ADAMTS2: variants seen among roughly 807,000 people sequenced by gnomAD.
ADAMTS2 encodes the protein ADAM metallopeptidase with thrombospondin type 1 motif 2.
ADAMTS2 carries 50 observed loss-of-function variants against 123.0 expected under a neutral mutation model. The observed-to-expected ratio is 0.41, with a 90% CI of 0.32 to 0.51. The LOEUF (loss-of-function observed/expected upper bound fraction) is 0.51. Ranked by LOEUF, ADAMTS2 falls within the 20% of genes least tolerant of loss-of-function variation. ADAMTS2 has a pLI of 0.35. For missense variants in ADAMTS2, 1,494 were observed against 1,705.2 expected (o/e 0.88, Z 2.18); for synonymous variants, 678 against 695.4 (o/e 0.98, Z 0.39).
At chr5:179,238,447 C>T (rs562607772) in intron 3 of ADAMTS2, among the ~76,000 whole-genome samples, 5 of 152,178 alleles carry the variant, frequency 3.3e-5, no homozygotes, top group South Asian at 2.1e-4. Flanking sequence ...GTGAGTGCTG[C>T]GGGAAGGGGC....
intron 2 of ADAMTS2, among the ~76,000 whole-genome samples, chr5:179,299,183 A>G (rs1756427981): frequency 6.6e-6 from 1 of 151,902 alleles, no homozygotes; most frequent in East Asian, 1.9e-4. Flanking sequence ...ACAAGATGGA[A>G]AAACGGTTAG....
intron 12 of ADAMTS2, 56 bp downstream of exon 12, chr5:179,137,713 G>GCCCC: frequency 8.4e-7 from 1 of 1,188,738 alleles, no homozygotes; most frequent in Non-Finnish European, 1.2e-6. Context: ...CCCCCACCCT[G>GCCCC]CCCACCCTAG....
chr5:179,244,126 C>A (rs947020758), intron 3 of ADAMTS2, among the ~76,000 whole-genome samples: 1 of 136,260 alleles, frequency 7.3e-6, no homozygotes, highest in Non-Finnish European at 1.6e-5. Context: ...TGGCAAAAAG[C>A]TCCCTAAATT....
chr5:179,135,377 C>T (rs1487879130), intron 13 of ADAMTS2, among the ~76,000 whole-genome samples: 1 of 152,218 alleles, frequency 6.6e-6, no homozygotes, highest in Non-Finnish European at 1.5e-5. Flanking sequence ...GTTCATGTCA[C>T]CGTCACATGG....
At chr5:179,271,913 T>TGGCCC (rs1328582276) in intron 3 of ADAMTS2, among the ~76,000 whole-genome samples, 3 of 152,014 alleles carry the variant, frequency 2.0e-5, no homozygotes, top group African/African-American at 7.2e-5. Flanking sequence ...GCACGGGGGC[T>TGGCCC]GGCCCAGCCC....
intron 2 of ADAMTS2, among the ~76,000 whole-genome samples, chr5:179,299,846 G>A (rs1756461538): frequency 6.6e-6 from 1 of 151,938 alleles, no homozygotes; most frequent in African/African-American, 2.4e-5. Context: ...TGTAATCCCA[G>A]CACTTTGGGA....
Position 179,152,138 on chromosome 5 carries a change from T to C in ADAMTS2, c.1629+4A>G. On this transcript the variant is annotated splice_donor_region_variant and intron_variant, in intron 10 of 21. Transcript: ENST00000251582. ...CCCTCCAAGAGCCCTTGATGCTGCC[T>C]CACCTTGCCAGGTGCACACATAGTC... 6.2e-7 allele frequency: 1 copy of C among 1,612,100 alleles called. No individual in the cohort carries two copies. The highest frequency in any genetic ancestry group is 8.5e-7 in the Non-Finnish European group (1 of 1,178,276).
chr5:179,278,372 C>T (rs929963655), intron 2 of ADAMTS2, among the ~76,000 whole-genome samples: 3 of 152,058 alleles, frequency 2.0e-5, no homozygotes, highest in African/African-American at 7.2e-5. Context: ...GAGCAAAGCA[C>T]AAAATGTGAG....
intron 3 of ADAMTS2, among the ~76,000 whole-genome samples, chr5:179,226,093 A>G (rs529491902): frequency 6.6e-6 from 1 of 151,996 alleles, no homozygotes; most frequent in East Asian, 1.9e-4. Flanking sequence ...AGGAAGCCAC[A>G]CCCCCATAGC....
chr5:179,245,317 C>T (rs1013763733), intron 3 of ADAMTS2, among the ~76,000 whole-genome samples: 6 of 152,132 alleles, frequency 3.9e-5, no homozygotes, highest in African/African-American at 1.4e-4. Flanking sequence ...CAAAACCCTG[C>T]CAAAACCCTG....
At chr5:179,121,584 G>C (rs953122610) in intron 21 of ADAMTS2, 77 bp downstream of exon 21, 281 of 1,223,716 alleles carry the variant, frequency 2.3e-4, no homozygotes, top group Middle Eastern at 9.8e-4. Flanking sequence ...CAGAGAGGAG[G>C]GGGGCCCAAG....
At chr5:179,245,542 G>A (rs6889935) in intron 3 of ADAMTS2, among the ~76,000 whole-genome samples, 23,872 of 149,336 alleles carry the variant, frequency 0.16, 2,450 homozygotes, top group East Asian at 0.36. Flanking sequence ...CGAGGCAGGC[G>A]GATCACGAGG....
At position 179,143,388 on chromosome 5, in the gene ADAMTS2, G is replaced by A. The variant is rs960322429; in HGVS notation, c.1630-3353C>T. Among the ~76,000 whole-genome samples the A allele has an allele frequency of 3.3e-5, 5 of 150,410 alleles. No individual in the cohort carries two copies. In the South Asian group the frequency reaches 8.4e-4, roughly 25 times the overall value. Reference sequence around the variant, plus strand: ...GTGGAGGTTGCAGTGAGCTGAGATCGCGCCACTGCGCTCCAGGCTGGGTAA... The same window carrying A: ...GTGGAGGTTGCAGTGAGCTGAGATCACGCCACTGCGCTCCAGGCTGGGTAA... On this transcript the variant is annotated intron_variant, in intron 10 of 21. Transcript: ENST00000251582.
At chr5:179,195,896 C>T (rs1764418551) in intron 4 of ADAMTS2, among the ~76,000 whole-genome samples, 1 of 152,206 alleles carries the variant, frequency 6.6e-6, no homozygotes, top group South Asian at 2.1e-4. Flanking sequence ...TTAAGGGACC[C>T]GTGTTTCGTG....
Position 179,185,852 on chromosome 5 carries a change from C to A in ADAMTS2, c.892-4697G>T, listed in dbSNP as rs946268812. The stretch of plus-strand genomic sequence containing the variant: ...AAGCCTCAGATGGTTCGGAGATTAA[C>A]TGGGGCTCCCTGGCTGCTGAGGAGC... On this transcript the variant is annotated intron_variant, in intron 4 of 21. Coordinates refer to ENST00000251582, the MANE Select transcript of ADAMTS2 (RefSeq NM_014244.5). The surrounding 1 kb of genome is among the most constrained non-coding windows in gnomAD (Gnocchi z 5.9). 2.6e-5 allele frequency among the ~76,000 whole-genome samples: 4 copies of A among 152,026 alleles called. No homozygotes were observed. The highest frequency in any genetic ancestry group is 5.9e-5 in the Non-Finnish European group (4 of 67,996).
intron 2 of ADAMTS2, among the ~76,000 whole-genome samples, chr5:179,300,094 C>A (rs1409855960): frequency 5.8e-3 from 588 of 101,872 alleles, no homozygotes; most frequent in Admixed American, 6.6e-3. Context: ...GACTCCGTCT[C>A]AAAAAAAAAA....
intron 3 of ADAMTS2, among the ~76,000 whole-genome samples, chr5:179,227,835 A>G (rs952550528): frequency 2.0e-5 from 3 of 152,036 alleles, no homozygotes; most frequent in Admixed American, 6.5e-5. Context: ...CAGAGAGACT[A>G]GAGGGGGCAG....
At chr5:179,199,771 C>A (rs1764519770) in intron 4 of ADAMTS2, among the ~76,000 whole-genome samples, 1 of 152,168 alleles carries the variant, frequency 6.6e-6, no homozygotes, top group Non-Finnish European at 1.5e-5. Context: ...CCTGAGGCAC[C>A]CATCAGGGAT....
At chr5:179,229,802 CT>C (rs1460510964) in intron 3 of ADAMTS2, among the ~76,000 whole-genome samples, 1 of 152,178 alleles carries the variant, frequency 6.6e-6, no homozygotes, top group Admixed American at 6.5e-5. Flanking sequence ...TCCTAAGTAC[CT>C]TATGGGAAAT....
Sources: allele counts gnomAD v4.1 joint callset (sites outside exome capture counted in the v4.1 genomes callset), GRCh38; gene constraint gnomAD v4.1.1; non-coding constraint Gnocchi (gnomAD v3.1); transcripts MANE v1.5; gene names NCBI Gene and HGNC (gene_info 2026-07-23, HGNC 2026-07-21).